Variants in B3GALT1 observed in about 807,000 individuals in gnomAD.
B3GALT1 encodes UDP-Gal:betaGlcNAc beta 1,3-galactosyltransferase, polypeptide 1.
A neutral mutation model predicts 23.2 loss-of-function variants in B3GALT1; 10 were observed. The observed-to-expected ratio is 0.43, with a 90% CI of 0.27 to 0.73. The LOEUF is 0.73. B3GALT1 is among the 30% of genes least tolerant of loss of function. B3GALT1 has a pLI of 0.21. For missense variants in B3GALT1, 299 were observed against 405.4 expected, an observed-to-expected ratio of 0.74 and a Z score of 2.25; for synonymous variants, 156 against 141.5, an observed-to-expected ratio of 1.10 and a Z score of -0.73.
At chr2:167,732,991 C>A (rs1014085351) in intron 3 of B3GALT1, among the ~76,000 whole-genome samples, 15 of 152,256 alleles carry the variant, frequency 9.9e-5, no homozygotes, top group Admixed American at 9.8e-4. Context: ...CCATTTTACG[C>A]TGAAAGAAAT....
chr2:167,745,222 C>A (rs1392529685), intron 3 of B3GALT1, among the ~76,000 whole-genome samples: 6 of 118,936 alleles, frequency 5.0e-5, no homozygotes, highest in Non-Finnish European at 1.2e-4. Flanking sequence ...TATATTAATT[C>A]TATTCTAAAA....
intron 1 of B3GALT1, among the ~76,000 whole-genome samples, chr2:167,298,067 T>C (rs1357105280): frequency 6.6e-6 from 1 of 152,140 alleles, no homozygotes; most frequent in Non-Finnish European, 1.5e-5. Flanking sequence ...TGCAAAACTT[T>C]AGGAAAACAA....
At chr2:167,748,240 C>T (rs554649444) in intron 3 of B3GALT1, among the ~76,000 whole-genome samples, 2 of 152,012 alleles carry the variant, frequency 1.3e-5, no homozygotes, top group African/African-American at 4.8e-5. Context: ...ACTTATTCAG[C>T]CATTGCTATA....
chr2:167,423,322 A>G (rs907834303), intron 1 of B3GALT1, among the ~76,000 whole-genome samples: 6 of 152,184 alleles, frequency 3.9e-5, no homozygotes, highest in African/African-American at 1.4e-4. Flanking sequence ...GAGTCATTAC[A>G]TTTAACTGGA....
At chr2:167,328,488 A>T (rs1248254674) in intron 1 of B3GALT1, among the ~76,000 whole-genome samples, 1 of 152,164 alleles carries the variant, frequency 6.6e-6, no homozygotes, top group Admixed American at 6.5e-5. Flanking sequence ...TAGGTTGTCC[A>T]GTTCATTCAC....
chr2:167,715,924 C>T (rs879528722), intron 3 of B3GALT1: 23 of 1,613,304 alleles, frequency 1.4e-5, no homozygotes, highest in Non-Finnish European at 1.7e-5. Context: ...CCAACAACAG[C>T]TGCGCATACC....
chr2:167,761,577 A>G (rs753917123), intron 3 of B3GALT1, among the ~76,000 whole-genome samples: 5 of 152,042 alleles, frequency 3.3e-5, no homozygotes, highest in Middle Eastern at 3.2e-3. Context: ...AAGAGGAGAG[A>G]TTGTGAAAGA....
At chr2:167,665,996 T>C (rs904601481) in intron 3 of B3GALT1, among the ~76,000 whole-genome samples, 2 of 152,222 alleles carry the variant, frequency 1.3e-5, no homozygotes, top group Non-Finnish European at 2.9e-5. Flanking sequence ...ATTTCTTGCC[T>C]TCTGCTAGCT....
chr2:167,787,525 C>T (rs1688361421), intron 3 of B3GALT1, among the ~76,000 whole-genome samples: 1 of 152,206 alleles, frequency 6.6e-6, no homozygotes, highest in Non-Finnish European at 1.5e-5. Context: ...ATAATGACAG[C>T]ATAAATGGTA....
intron 1 of B3GALT1, among the ~76,000 whole-genome samples, chr2:167,368,822 C>T (rs1574051540): frequency 6.6e-6 from 1 of 152,190 alleles, no homozygotes; most frequent in African/African-American, 2.4e-5. Flanking sequence ...ATCTTAGGAT[C>T]CCTCTACCAA....
chr2:167,553,099 A>G (rs924239140), intron 2 of B3GALT1, among the ~76,000 whole-genome samples: 2 of 152,206 alleles, frequency 1.3e-5, no homozygotes, highest in African/African-American at 4.8e-5. Context: ...ATTCCAATCC[A>G]GAGAATAATT....
intron 3 of B3GALT1, among the ~76,000 whole-genome samples, chr2:167,768,810 T>C (rs565391242): frequency 6.6e-6 from 1 of 152,294 alleles, no homozygotes; most frequent in East Asian, 1.9e-4. Flanking sequence ...CATTCGGAAA[T>C]CACAAGGTCT....
intron 1 of B3GALT1, among the ~76,000 whole-genome samples, chr2:167,425,059 C>CT (rs1698603472): frequency 6.6e-6 from 1 of 152,214 alleles, no homozygotes; most frequent in Non-Finnish European, 1.5e-5. Context: ...TCTCCTGCTA[C>CT]TATAAATCTA....
chr2:167,412,464 A>C (rs1338866819), intron 1 of B3GALT1, among the ~76,000 whole-genome samples: 1 of 151,962 alleles, frequency 6.6e-6, no homozygotes, highest in African/African-American at 2.4e-5. Context: ...AGCATTTTGC[A>C]AAAGAGGATA....
intron 2 of B3GALT1, among the ~76,000 whole-genome samples, chr2:167,624,701 C>T (rs1446034716): frequency 6.6e-6 from 1 of 151,950 alleles, no homozygotes; most frequent in African/African-American, 2.4e-5. Context: ...GTGGGATTAG[C>T]TCTTTGGTTT....
chr2:167,619,692 G>A (rs1241408668), intron 2 of B3GALT1, among the ~76,000 whole-genome samples: 5 of 152,058 alleles, frequency 3.3e-5, no homozygotes, highest in Non-Finnish European at 7.4e-5. Context: ...TATATGCAAA[G>A]GTCCCAATAT....
intron 2 of B3GALT1, among the ~76,000 whole-genome samples, chr2:167,587,778 T>C (rs7590728): frequency 0.19 from 28,228 of 152,212 alleles, 2,715 homozygotes; most frequent in Non-Finnish European, 0.2. Context: ...TTGAACTGCT[T>C]ACCACTAATT....
chr2:167,840,201 C>A (rs1183512220), intron 4 of B3GALT1, among the ~76,000 whole-genome samples: 5 of 151,394 alleles, frequency 3.3e-5, no homozygotes, highest in Non-Finnish European at 7.4e-5. Context: ...AACTAAAGAG[C>A]TTCTGCACAG....
At chr2:167,524,057 G>C (rs983483409) in intron 2 of B3GALT1, among the ~76,000 whole-genome samples, 2 of 152,082 alleles carry the variant, frequency 1.3e-5, no homozygotes, top group Admixed American at 6.6e-5. Flanking sequence ...AACATTTAGT[G>C]CTAAATTGCC....
Sources: gnomAD v4.1 joint callset for allele counts (sites outside exome capture counted in the v4.1 genomes callset) on GRCh38, gnomAD v4.1.1 for gene constraint, MANE v1.5 for transcripts, NCBI Gene and HGNC (gene_info 2026-07-23, HGNC 2026-07-21) for gene names.